The following DOCK1 variants were observed in gnomAD, a reference collection of about 807,000 sequenced individuals.
DOCK1 encodes dedicator of cytokinesis protein 1.
A neutral mutation model predicts 262.7 loss-of-function variants in DOCK1; 138 were observed. The observed-to-expected ratio is 0.53, with a 90% CI of 0.46 to 0.61. The LOEUF is 0.61. DOCK1 is among the 20% of genes least tolerant of loss of function. The pLI, the probability that DOCK1 is intolerant of heterozygous loss-of-function variation, is 0.00. For synonymous variants in DOCK1, 866 were observed against 867.4 expected (o/e 1.00, Z 0.03); for missense variants, 1,908 against 2,370.7 (o/e 0.80, Z 4.05).
intron 23 of DOCK1, among the ~76,000 whole-genome samples, chr10:127,070,009 C>T (rs544026136): frequency 1.3e-5 from 2 of 152,230 alleles, no homozygotes; most frequent in African/African-American, 4.8e-5. Context: ...GTGCCTTTCT[C>T]TAGGTTTCTG....
intron 21 of DOCK1, 97 bp from the exon 22 acceptor site, chr10:127,052,584 C>CAAAT: frequency 6.5e-7 from 1 of 1,541,182 alleles, no homozygotes. Context: ...AGATGGAAAC[C>CAAAT]AAATAAAAGT....
chr10:127,305,812 A>G (rs1208865239), intron 29 of DOCK1, among the ~76,000 whole-genome samples: 1 of 152,212 alleles, frequency 6.6e-6, no homozygotes, highest in Non-Finnish European at 1.5e-5. Flanking sequence ...CTCTGATTTC[A>G]GAAGTAGTTT....
chr10:127,352,229 GGTGGGGAGGGGTGGGGAGAA>G, intron 31 of DOCK1, among the ~76,000 whole-genome samples: 1 of 96,330 alleles, frequency 1.0e-5, no homozygotes, highest in Non-Finnish European at 2.1e-5. Flanking sequence ...ATCGGGGAGG[GGTGGGGAGGGGTGGGGAGAA>G]GTGGGGAGCA....
Position 127,260,976 on chromosome 10 carries a change from T to G in DOCK1, c.3044+3547T>G, listed in dbSNP as rs111068429. Among the ~76,000 whole-genome samples, 281 of 64,864 alleles carry G rather than the reference T, an allele frequency of 4.3e-3. 9 individuals carry two copies. Among genetic ancestry groups the G allele is most frequent in the African/African-American group, 0.014 (270 of 18,834 alleles). The allele number at this position is 64,864 out of a possible 152,430, so 42.6% of individuals were successfully genotyped here. A position where few individuals can be genotyped will look rare whatever the true frequency, so the allele number is the denominator to read the frequency against. ...CTGTGTGTGTGCATGTGGGTGTGTG[T>G]GTGTGTACCCGTGCTCATGTGTGTG... is the stretch of plus-strand genomic sequence containing the variant. On this transcript the variant is annotated intron_variant, in intron 29 of 51. Coordinates refer to ENST00000623213, the MANE Select transcript of DOCK1 (RefSeq NM_001290223.2).
intron 29 of DOCK1, among the ~76,000 whole-genome samples, chr10:127,258,816 AT>A (rs1431103006): frequency 6.6e-6 from 1 of 152,242 alleles, no homozygotes; most frequent in East Asian, 1.9e-4. Context: ...GCTTTTAGCC[AT>A]GCTGATAGGT....
intron 23 of DOCK1, among the ~76,000 whole-genome samples, chr10:127,098,682 C>G (rs1340285997): frequency 6.6e-6 from 1 of 152,122 alleles, no homozygotes; most frequent in African/African-American, 2.4e-5. Context: ...TGCTGCCTTC[C>G]TTTGATGGTG....
intron 27 of DOCK1, among the ~76,000 whole-genome samples, chr10:127,182,610 A>C (rs2055843462): frequency 1.3e-5 from 2 of 152,200 alleles, no homozygotes; most frequent in Non-Finnish European, 2.9e-5. Flanking sequence ...CAACTGGAAA[A>C]TATGCCTCCT....
At chr10:127,076,079 A>G (rs1322559177) in intron 23 of DOCK1, among the ~76,000 whole-genome samples, 1 of 152,178 alleles carries the variant, frequency 6.6e-6, no homozygotes, top group African/African-American at 2.4e-5. Context: ...CACAGGTAAT[A>G]TGTCCTTCTT....
chr10:127,322,039 GT>G (rs1253656034), intron 29 of DOCK1, among the ~76,000 whole-genome samples: 1 of 151,982 alleles, frequency 6.6e-6, no homozygotes, highest in Non-Finnish European at 1.5e-5. Context: ...GGAGGTGGAA[GT>G]TGCAGTGAGC....
chr10:127,358,997 G>A (rs532808172), intron 32 of DOCK1, among the ~76,000 whole-genome samples: 70 of 152,224 alleles, frequency 4.6e-4, no homozygotes, highest in African/African-American at 1.5e-3. Context: ...TATTCTCCTC[G>A]TCACCTTCCT....
At chr10:127,300,477 G>A (rs770574687) in intron 29 of DOCK1, among the ~76,000 whole-genome samples, 3 of 152,296 alleles carry the variant, frequency 2.0e-5, no homozygotes, top group Middle Eastern at 3.4e-3. Context: ...AGGACCTGTC[G>A]AAGGACAAAG....
chr10:127,272,216 C>T (rs986684333), intron 29 of DOCK1: 2 of 152,056 alleles, frequency 1.3e-5, no homozygotes, highest in Non-Finnish European at 2.9e-5. Context: ...GTGTTATTCG[C>T]GTTATTCTGC....
chr10:127,437,813 C>CT lies in DOCK1; in HGVS notation c.5061-1212dup, dbSNP rs947167418. 1.3e-5 allele frequency among the ~76,000 whole-genome samples: 2 copies of CT among 152,206 alleles called. No individual in the cohort carries two copies. Among genetic ancestry groups the CT allele is most frequent in the African/African-American group, 4.8e-5 (2 of 41,456 alleles). ...CCTTCTTAATGAGAACAGTGGCTTT[C>CT]TTCCAAGTGTCCCATTCAGAAATAC... On this transcript the variant is annotated intron_variant, in intron 48 of 51. Transcript: ENST00000623213. This position sits in a 1 kb window ranked among gnomAD's most constrained non-coding sequence, Gnocchi z 4.4.
intron 27 of DOCK1, among the ~76,000 whole-genome samples, chr10:127,154,376 G>A (rs2052824495): frequency 6.6e-6 from 1 of 152,186 alleles, no homozygotes; most frequent in Non-Finnish European, 1.5e-5. Context: ...GTTTTGTCCA[G>A]CAAACTAAGA....
At chr10:127,347,389 C>G (rs959358432) in intron 31 of DOCK1, among the ~76,000 whole-genome samples, 2 of 152,198 alleles carry the variant, frequency 1.3e-5, no homozygotes, top group African/African-American at 4.8e-5. Flanking sequence ...CTTGGCAGCC[C>G]GGAGACGGCC....
intron 47 of DOCK1, among the ~76,000 whole-genome samples, chr10:127,427,246 C>T (rs373336028): frequency 1.3e-5 from 2 of 152,200 alleles, no homozygotes; most frequent in African/African-American, 2.4e-5. Flanking sequence ...TGTGGGAAGT[C>T]GCGCTGCTTC....
intron 4 of DOCK1, among the ~76,000 whole-genome samples, chr10:126,986,085 C>T (rs1030937463): frequency 6.6e-6 from 1 of 152,012 alleles, no homozygotes; most frequent in African/African-American, 2.4e-5. Context: ...AACTCCTGAT[C>T]CACCCACCTC....
intron 27 of DOCK1, among the ~76,000 whole-genome samples, chr10:127,242,207 G>A (rs1487090444): frequency 6.6e-6 from 1 of 152,178 alleles, no homozygotes; most frequent in African/African-American, 2.4e-5. Context: ...GTGAGGAACT[G>A]GGAATGCATG....
At chr10:127,215,930 C>G (rs2058190037) in intron 27 of DOCK1, among the ~76,000 whole-genome samples, 1 of 151,642 alleles carries the variant, frequency 6.6e-6, no homozygotes, top group Non-Finnish European at 1.5e-5. Flanking sequence ...CCAAAAGGAA[C>G]TGCACCACTT....
Sources: gnomAD v4.1 joint callset for allele counts (sites outside exome capture counted in the v4.1 genomes callset) on GRCh38, gnomAD v4.1.1 for gene constraint, Gnocchi (gnomAD v3.1) non-coding constraint, MANE v1.5 for transcripts, NCBI Gene and HGNC (gene_info 2026-07-23, HGNC 2026-07-21) for gene names.